A2M: variants seen among roughly 807,000 people sequenced by gnomAD.
A2M encodes alpha-2-macroglobulin.
In A2M, 128 loss-of-function variants were observed where a neutral mutation model predicts 183.9. That is an observed-to-expected ratio of 0.70 (90% CI 0.60 to 0.81). The LOEUF (loss-of-function observed/expected upper bound fraction) is 0.81, where lower values mean the gene tolerates loss of function less well. A2M is among the 30% of genes least tolerant of loss of function. A2M has a pLI of 0.00. For missense variants in A2M, 1,495 were observed against 1,787.6 expected, an observed-to-expected ratio of 0.84 and a Z score of 2.95; for synonymous variants, 592 against 670.8, an observed-to-expected ratio of 0.88 and a Z score of 1.81.
rs1386541290 is a variant in A2M, at chr12:9,106,361, A to G, written c.995-16T>C. 1.0e-5 allele frequency: 16 copies of G among 1,563,646 alleles called. No individual in the cohort carries two copies. Among genetic ancestry groups the G allele is most frequent in the Non-Finnish European group, 1.3e-5 (15 of 1,140,662 alleles). Reference sequence around the variant, plus strand: ...AATTCCACCACTGAAAAAAGAGAAAAAAATCTGTTATTTTTGGGAAGAATG... The same window carrying G: ...AATTCCACCACTGAAAAAAGAGAAAGAAATCTGTTATTTTTGGGAAGAATG... On this transcript the variant is annotated splice_polypyrimidine_tract_variant and intron_variant, in intron 9 of 35. Coordinates refer to ENST00000318602, the MANE Select transcript of A2M (RefSeq NM_000014.6).
chr12:9,098,532 C>T, intron 15 of A2M, 75 bp downstream of exon 15: 1 of 1,499,848 alleles, frequency 6.7e-7, no homozygotes, highest in South Asian at 1.2e-5. Context: ...TCTTATCCTA[C>T]TTATCCAGTC....
At chr12:9,100,119 T>C (rs1937710816) in intron 13 of A2M, among the ~76,000 whole-genome samples, 1 of 152,214 alleles carries the variant, frequency 6.6e-6, no homozygotes, top group African/African-American at 2.4e-5. Context: ...CAAAGGTTTA[T>C]ATTATGACAT....
At position 9,110,328 on chromosome 12, in the gene A2M, GT is replaced by G; in HGVS notation, c.489del (p.Leu164Ter). ...ENFHPLNELI[P>X]LVYIQDPKGN... The stretch of plus-strand genomic sequence containing the variant: ...ATGTTGCTTACCTGAATGTATACTA[GT>G]GGAATCTGAAAGACAAAAGAAAAAA... On this transcript the variant is annotated frameshift_variant, in exon 5 of 36. Coordinates refer to ENST00000318602, the MANE Select transcript of A2M (RefSeq NM_000014.6). LOFTEE classifies it high-confidence loss of function. 6.9e-7 allele frequency: 1 copy of G among 1,445,742 alleles called. No individual in the cohort carries two copies. Among genetic ancestry groups the G allele is most frequent in the Non-Finnish European group, 9.3e-7 (1 of 1,075,134 alleles). The allele number at this position is 1,445,742 out of a possible 1,614,324, so 89.6% of individuals were successfully genotyped here.
chr12:9,068,085 T>C, intron 35 of A2M, 98 bp downstream of exon 35: 1 of 1,394,102 alleles, frequency 7.2e-7, no homozygotes, highest in Non-Finnish European at 1.0e-6. Flanking sequence ...AATTTGATGT[T>C]TTTGACAAAT....
At chr12:9,094,759 G>C (rs150279425) in intron 17 of A2M, among the ~76,000 whole-genome samples, 1 of 151,976 alleles carries the variant, frequency 6.6e-6, no homozygotes, top group Non-Finnish European at 1.5e-5. Flanking sequence ...CTAATCCTAC[G>C]CTTGGAAACT....
chr12:9,069,373 GT>G (rs1421851441), intron 33 of A2M, among the ~76,000 whole-genome samples: 1 of 152,044 alleles, frequency 6.6e-6, no homozygotes. Context: ...GAGACTGACA[GT>G]TTTTTTTCCC....
In A2M at chr12:9,113,539, A is replaced by G. The variant is rs1252851140; in HGVS notation, c.91T>C (p.Tyr31His). ...AGCAGGGAGGGGACCAGAACCATATACTGCCTGGGAATGAGACGGTTCAGT... is the reference window on the plus strand; with the variant it reads ...AGCAGGGAGGGGACCAGAACCATATGCTGCCTGGGAATGAGACGGTTCAGT... ...TDASVSGKPQ[Y>H]MVLVPSLLHT... Residue 31 changes from tyrosine (Y) to histidine (H), a missense_variant, in exon 2 of 36, where the codon TAT becomes CAT. By Grantham distance (83) the Tyr-to-His change is moderately conservative. Transcript: ENST00000318602. 6.2e-7 allele frequency: 1 copy of G among 1,613,402 alleles called. No individual in the cohort carries two copies. The highest frequency in any genetic ancestry group is 2.2e-5 in the East Asian group (1 of 44,864).
intron 35 of A2M, 55 bp downstream of exon 35, chr12:9,068,127 TG>T: frequency 1.3e-6 from 2 of 1,576,690 alleles, no homozygotes; most frequent in Non-Finnish European, 8.6e-7. Flanking sequence ...GGAGAAGGTT[TG>T]GGGGGCAAGC....
chr12:9,106,469 T>C lies in A2M; in HGVS notation c.994+22A>G, dbSNP rs747590110. 3.2e-5 allele frequency: 48 copies of C among 1,502,516 alleles called. No individual in the cohort carries two copies. The East Asian group carries it at 1.1e-3, about 34-fold the overall frequency. 93.1% of individuals were successfully genotyped at this position (1,502,516 alleles called of 1,614,324 possible). On this transcript the variant is annotated intron_variant, in intron 9 of 35. Coordinates refer to ENST00000318602, the MANE Select transcript of A2M (RefSeq NM_000014.6). ...AATCAATGCCTGTTGTGTTTTCTCT[T>C]ATACCCATGTAGTACACAAACCTGT...
At chr12:9,086,188 CA>C (rs201291237) in intron 22 of A2M, among the ~76,000 whole-genome samples, 2,422 of 152,070 alleles carry the variant, frequency 0.016, 69 homozygotes, top group African/African-American at 0.056. Flanking sequence ...AAAGACATTA[CA>C]AAAAAGAATT....
At position 9,079,765 on chromosome 12, in the gene A2M, G is replaced by C. The variant is rs769823302; in HGVS notation, c.2905C>G (p.Pro969Ala). ...ATATTCTGCTCTCCACAGCCATAGG[G>C]CATCTGGAGAAGATTTTGTGTGTTT... ...MQNTQNLLQM[P>A]YGCGEQNMVL... The change falls in exon 24 of 36, where the codon CCC becomes GCC. Residue 969 changes from proline to alanine, a missense_variant. By Grantham distance (27) the Pro-to-Ala change is conservative. Coordinates refer to ENST00000318602, the MANE Select transcript of A2M (RefSeq NM_000014.6). 2 of 1,613,030 alleles carry C rather than the reference G, an allele frequency of 1.2e-6. No homozygotes were observed. Among genetic ancestry groups the C allele is most frequent in the South Asian group, 1.1e-5 (1 of 90,782 alleles).
chr12:9,089,979 C>G lies in A2M; in HGVS notation c.2641G>C (p.Glu881Gln). The G allele has an allele frequency of 6.2e-7, 1 of 1,609,410 alleles. No individual in the cohort carries two copies. The highest frequency in any genetic ancestry group is 8.5e-7 in the Non-Finnish European group (1 of 1,176,206). Reference protein sequence around the residue: ...TVSAEALESQELCGTEVPSVP... With the variant: ...TVSAEALESQQLCGTEVPSVP... ...GAAGGCACCTCAGTCCCACACAGCT[C>G]TTGAGACTCTAGTGCCTCTGCGCTC... is the stretch of plus-strand genomic sequence containing the variant. Residue 881 changes from glutamate to glutamine, a missense_variant, in exon 21 of 36, where the codon GAG becomes CAG. Physicochemically the swap from Glu to Gln is conservative, Grantham distance 29 (BLOSUM62 2). Transcript: ENST00000318602.
intron 6 of A2M, among the ~76,000 whole-genome samples, 190 bp from the exon 7 acceptor site, chr12:9,109,595 G>C (rs748076703): frequency 9.9e-5 from 15 of 152,194 alleles, no homozygotes; most frequent in Non-Finnish European, 8.8e-5. Context: ...AGAGATCACT[G>C]TGTGCTTAAT....
chr12:9,086,613 C>A (rs969254499), intron 22 of A2M, among the ~76,000 whole-genome samples: 4 of 152,102 alleles, frequency 2.6e-5, no homozygotes, highest in Non-Finnish European at 4.4e-5. Flanking sequence ...AAAACTCTCA[C>A]CAAATTAGAT....
At chr12:9,103,954 G>A (rs1021700986) in intron 11 of A2M, among the ~76,000 whole-genome samples, 2 of 152,096 alleles carry the variant, frequency 1.3e-5, no homozygotes, top group African/African-American at 2.4e-5. Flanking sequence ...GGATCATTTG[G>A]TAATTCTATT....
chr12:9,095,176 A>G, intron 16 of A2M, 92 bp from the exon 17 acceptor site: 1 of 647,144 alleles, frequency 1.5e-6, no homozygotes, highest in South Asian at 3.3e-5. Context: ...CAAGCAATCC[A>G]GTTAACTTAA....
At chr12:9,090,525 C>A in intron 19 of A2M, 43 bp from the exon 20 acceptor site, 1 of 1,601,316 alleles carries the variant, frequency 6.2e-7, no homozygotes, top group African/African-American at 1.3e-5. Flanking sequence ...GGAAGGAGAA[C>A]AGAGGGAGAA....
chr12:9,071,382 CT>C (rs1222879077), intron 31 of A2M, among the ~76,000 whole-genome samples: 1 of 151,758 alleles, frequency 6.6e-6, no homozygotes, highest in African/African-American at 2.4e-5. Context: ...GAAATTTGGA[CT>C]GCTTAATTTA....
At chr12:9,111,996 C>T in intron 4 of A2M, 163 bp downstream of exon 4, 1 of 791,754 alleles carries the variant, frequency 1.3e-6, no homozygotes. Flanking sequence ...ACTTTCTTTA[C>T]CTGGAATGAT....
Sources: gnomAD v4.1 joint callset for allele counts (sites outside exome capture counted in the v4.1 genomes callset) on GRCh38, gnomAD v4.1.1 for gene constraint, MANE v1.5 for transcripts, NCBI Gene and HGNC (gene_info 2026-07-23, HGNC 2026-07-21) for gene names.